Variants in CATSPERT observed in about 807,000 individuals in gnomAD.
CATSPERT encodes catsper channel auxiliary subunit tau.
the CATSPERT span, among the ~76,000 whole-genome samples, chr2:201,587,519 T>C: frequency 6.6e-6 from 1 of 152,200 alleles, no homozygotes; most frequent in African/African-American, 2.4e-5. Context: ...TCCTCCGATT[T>C]ACATTGTTTC....
the CATSPERT span, among the ~76,000 whole-genome samples, chr2:201,600,115 T>C: frequency 3.3e-5 from 4 of 122,668 alleles, no homozygotes; most frequent in African/African-American, 1.1e-4. Context: ...TAAATCATGC[T>C]ACTATAAAGA....
chr2:201,494,161 TC>T, the CATSPERT span: 1 of 1,532,352 alleles, frequency 6.5e-7, no homozygotes, highest in Non-Finnish European at 8.7e-7. Flanking sequence ...TTGTTTTTTT[TC>T]CAATACGTTG....
At chr2:201,589,822 C>T in the CATSPERT span, among the ~76,000 whole-genome samples, 713 of 152,024 alleles carry the variant, frequency 4.7e-3, 6 homozygotes, top group African/African-American at 0.016. Context: ...AACAGACAAC[C>T]TAAAGAATGG....
At chr2:201,492,919 G>A in the CATSPERT span, 1 of 1,536,584 alleles carries the variant, frequency 6.5e-7, no homozygotes, top group Non-Finnish European at 8.7e-7. Flanking sequence ...TTCTGACTCT[G>A]AGAGTTCTTC....
At chr2:201,600,199 A>G in the CATSPERT span, among the ~76,000 whole-genome samples, 4 of 152,208 alleles carry the variant, frequency 2.6e-5, no homozygotes, top group Admixed American at 6.5e-5. Flanking sequence ...ATGTCCATCA[A>G]TGACAGACTG....
At chr2:201,573,057 T>A in the CATSPERT span, among the ~76,000 whole-genome samples, 2 of 152,216 alleles carry the variant, frequency 1.3e-5, no homozygotes, top group Non-Finnish European at 2.9e-5. Flanking sequence ...CATTTTTGAA[T>A]ACCACAAAAC....
chr2:201,619,141 T>C, the CATSPERT span: 2 of 1,613,768 alleles, frequency 1.2e-6, no homozygotes, highest in Non-Finnish European at 1.7e-6. Context: ...CTCTCCATCT[T>C]CTGCGGCCTG....
At chr2:201,501,884 T>C in the CATSPERT span, among the ~76,000 whole-genome samples, 3 of 152,330 alleles carry the variant, frequency 2.0e-5, no homozygotes, top group East Asian at 5.8e-4. Context: ...GTGAAGAAAT[T>C]AGATTTAATC....
the CATSPERT span, chr2:201,601,745 A>G: frequency 3.7e-6 from 6 of 1,611,158 alleles, no homozygotes; most frequent in Non-Finnish European, 5.1e-6. Context: ...TTACCTGTAC[A>G]GAAAAATACT....
At chr2:201,537,441 T>C in the CATSPERT span, 2 of 1,590,828 alleles carry the variant, frequency 1.3e-6, no homozygotes, top group Non-Finnish European at 8.6e-7. Context: ...CTTACCTCAT[T>C]TGCAGTAGTT....
the CATSPERT span, among the ~76,000 whole-genome samples, chr2:201,548,762 T>C: frequency 6.6e-6 from 1 of 152,092 alleles, no homozygotes; most frequent in African/African-American, 2.4e-5. Context: ...TTTAATCTCA[T>C]TCATGAATAT....
the CATSPERT span, among the ~76,000 whole-genome samples, chr2:201,541,404 T>C: frequency 6.6e-6 from 1 of 151,584 alleles, no homozygotes; most frequent in African/African-American, 2.4e-5. Flanking sequence ...TGTTGTCTTA[T>C]TTTTAAAAAT....
the CATSPERT span, among the ~76,000 whole-genome samples, chr2:201,595,140 G>A: frequency 2.0e-5 from 3 of 150,564 alleles, no homozygotes; most frequent in Non-Finnish European, 1.5e-5. Flanking sequence ...TGATGGTGAT[G>A]TACAGATGGG....
chr2:201,589,080 A>C, the CATSPERT span, among the ~76,000 whole-genome samples: 1 of 152,304 alleles, frequency 6.6e-6, no homozygotes, highest in East Asian at 1.9e-4. Flanking sequence ...GGAGAACTAC[A>C]AACCACTGCT....
the CATSPERT span, chr2:201,492,795 C>G: frequency 6.5e-7 from 1 of 1,536,500 alleles, no homozygotes; most frequent in Non-Finnish European, 8.7e-7. Flanking sequence ...TCATCAGATA[C>G]AGATTTTGAT....
At chr2:201,506,041 G>A in the CATSPERT span, among the ~76,000 whole-genome samples, 1 of 152,208 alleles carries the variant, frequency 6.6e-6, no homozygotes, top group African/African-American at 2.4e-5. Context: ...GCCGAGGCTG[G>A]TGGATCACAA....
chr2:201,523,048 C>T, the CATSPERT span, among the ~76,000 whole-genome samples: 2 of 152,176 alleles, frequency 1.3e-5, no homozygotes, highest in Non-Finnish European at 2.9e-5. Context: ...TGTAGATGGG[C>T]CCCTGCCAGC....
the CATSPERT span, among the ~76,000 whole-genome samples, chr2:201,572,639 C>T: frequency 6.6e-6 from 1 of 152,044 alleles, no homozygotes; most frequent in South Asian, 2.1e-4. Context: ...AAACCTACCT[C>T]CGGAGTTGGT....
chr2:201,582,711 G>A, the CATSPERT span, among the ~76,000 whole-genome samples: 12 of 152,202 alleles, frequency 7.9e-5, no homozygotes, highest in African/African-American at 2.4e-4. Context: ...ACCATTGCCT[G>A]AACTTGAAAC....
Sources: allele counts gnomAD v4.1 joint callset (sites outside exome capture counted in the v4.1 genomes callset), GRCh38; gene constraint gnomAD v4.1.1; transcripts MANE v1.5; gene names NCBI Gene and HGNC (gene_info 2026-07-23, HGNC 2026-07-21).